Variants in ERI1 observed in about 807,000 individuals in gnomAD.
ERI1 encodes 3'-5' exoribonuclease 1.
In ERI1, 39 loss-of-function variants were observed where a neutral mutation model predicts 39.7. The ratio of observed to expected loss-of-function variants is 0.98; its 90% CI spans 0.76 to 1.28. The LOEUF (loss-of-function observed/expected upper bound fraction) is 1.28, where lower values mean the gene tolerates loss of function less well. ERI1 is among the 50% of genes most tolerant of loss of function. The pLI is 0.00. For synonymous variants in ERI1, 204 were observed against 149.6 expected, an observed-to-expected ratio of 1.36 and a Z score of -2.65; for missense variants, 581 against 416.9, an observed-to-expected ratio of 1.39 and a Z score of -3.43.
At position 9,018,413 on chromosome 8, in the gene ERI1, AT is replaced by A; in HGVS notation, c.692+10del. ...ACTCACTTTTAACAGATGGGTAAGT[AT>A]TTAGGAAGATTATTTTTTTATATCT... On this transcript the variant is annotated splice_region_variant and intron_variant, in intron 5 of 6. Transcript: ENST00000250263. The A allele has an allele frequency of 7.0e-7, 1 of 1,419,130 alleles. No homozygotes were observed. Among genetic ancestry groups the A allele is most frequent in the African/African-American group, 1.4e-5 (1 of 70,038 alleles). The allele number at this position is 1,419,130 out of a possible 1,614,324, so 87.9% of individuals were successfully genotyped here. A position where few individuals can be genotyped will look rare whatever the true frequency, so the allele number is the denominator to read the frequency against.
At chr8:9,052,684 C>A (rs1284144475) in intron 3 of ERI1, among the ~76,000 whole-genome samples, 2 of 152,182 alleles carry the variant, frequency 1.3e-5, no homozygotes, top group Non-Finnish European at 2.9e-5. Context: ...ACCCAGAAAA[C>A]ACATTTCAGA....
intron 3 of ERI1, among the ~76,000 whole-genome samples, chr8:9,090,457 C>T (rs1799669366): frequency 6.6e-6 from 1 of 152,090 alleles, no homozygotes; most frequent in South Asian, 2.1e-4. Flanking sequence ...CTTACTCTAG[C>T]TTATTGATTA....
chr8:9,024,710 C>G (rs533400800), intron 6 of ERI1, among the ~76,000 whole-genome samples: 3 of 152,196 alleles, frequency 2.0e-5, no homozygotes, highest in Non-Finnish European at 2.9e-5. Context: ...CAGGCATGAG[C>G]CACCAGGCCC....
chr8:9,043,771 T>C lies in ERI1; in HGVS notation n.299+23307T>C, dbSNP rs190251652. On this transcript the variant is annotated intron_variant and non_coding_transcript_variant, in intron 3 of 3. Coordinates refer to the ERI1 transcript ENST00000518663. ...TCTCACTATCTTGCTCAGGCAGAACTTGAACTCCTGTGCTCAAGCCATCCT... is the reference window on the plus strand; with the variant it reads ...TCTCACTATCTTGCTCAGGCAGAACCTGAACTCCTGTGCTCAAGCCATCCT... Among the ~76,000 whole-genome samples the C allele has an allele frequency of 2.3e-3, 351 of 152,350 alleles. 1 individual carries two copies. Among genetic ancestry groups the C allele is most frequent in the Non-Finnish European group, 4.3e-3 (293 of 68,032 alleles).
At chr8:9,062,020 G>T (rs1798715477) in intron 3 of ERI1, among the ~76,000 whole-genome samples, 1 of 152,130 alleles carries the variant, frequency 6.6e-6, no homozygotes, top group Non-Finnish European at 1.5e-5. Flanking sequence ...AAAACAATTT[G>T]GTTGATAAGG....
At chr8:9,066,385 A>G (rs376690470) in intron 3 of ERI1, among the ~76,000 whole-genome samples, 16 of 152,330 alleles carry the variant, frequency 1.1e-4, no homozygotes, top group African/African-American at 2.9e-4. Flanking sequence ...TGTGTTGGAT[A>G]AGAAGAAAGC....
chr8:9,097,538 G>A lies in ERI1; in HGVS notation n.300-18810G>A, dbSNP rs1324467208. Among the ~76,000 whole-genome samples, 16 of 152,168 alleles carry A rather than the reference G, an allele frequency of 1.1e-4. No individual in the cohort carries two copies. The South Asian group carries it at 2.1e-3, about 20-fold the overall frequency. ...ACAAAAATTAGCCAGACACGGTGGC[G>A]TGCGCCTGTAGTCCCAGCTACGCAG... On this transcript the variant is annotated intron_variant and non_coding_transcript_variant, in intron 3 of 3. Transcript: ENST00000518663.
At chr8:9,064,604 A>G (rs922338315) in intron 3 of ERI1, among the ~76,000 whole-genome samples, 2 of 152,178 alleles carry the variant, frequency 1.3e-5, no homozygotes, top group Non-Finnish European at 2.9e-5. Context: ...GTTGAGGGAT[A>G]GTGAGAGAGG....
intron 3 of ERI1, among the ~76,000 whole-genome samples, chr8:9,067,924 AC>A (rs1230455195): frequency 8.3e-4 from 53 of 63,654 alleles, no homozygotes; most frequent in African/African-American, 3.1e-3. Context: ...TGCTACAAAT[AC>A]ACACACACAC....
chr8:9,071,364 C>T (rs1351860192), intron 3 of ERI1, among the ~76,000 whole-genome samples: 1 of 152,092 alleles, frequency 6.6e-6, no homozygotes, highest in Non-Finnish European at 1.5e-5. Flanking sequence ...GAATGCACAC[C>T]CATCACAAAA....
At chr8:9,046,818 C>G (rs556158093) in intron 3 of ERI1, among the ~76,000 whole-genome samples, 15 of 152,324 alleles carry the variant, frequency 9.8e-5, no homozygotes, top group African/African-American at 3.4e-4. Flanking sequence ...CTCTCACAAG[C>G]AGGGCCCACA....
At chr8:9,028,446 G>A (rs1310327654) in intron 6 of ERI1, among the ~76,000 whole-genome samples, 1 of 152,090 alleles carries the variant, frequency 6.6e-6, no homozygotes, top group African/African-American at 2.4e-5. Flanking sequence ...AATTATAGGT[G>A]TTTTACATCA....
rs1009764661 is a variant in ERI1, at chr8:9,050,813, C to G, written n.299+30349C>G. Among the ~76,000 whole-genome samples, 4 of 152,206 alleles carry G rather than the reference C, an allele frequency of 2.6e-5. No homozygotes were observed. The East Asian group carries it at 7.7e-4, about 29-fold the overall frequency. Reference sequence around the variant, plus strand: ...ACTCCGGGCCTCTTCCTTCTTTATGCAATAAAAATAACAGCATCATTCCTA... The same window carrying G: ...ACTCCGGGCCTCTTCCTTCTTTATGGAATAAAAATAACAGCATCATTCCTA... On this transcript the variant is annotated intron_variant and non_coding_transcript_variant, in intron 3 of 3. Transcript: ENST00000518663.
At chr8:9,080,238 T>A (rs1167110763) in intron 3 of ERI1, among the ~76,000 whole-genome samples, 1 of 152,178 alleles carries the variant, frequency 6.6e-6, no homozygotes, top group Non-Finnish European at 1.5e-5. Context: ...CTGGGCCTGA[T>A]AATTTAAGAG....
chr8:9,047,151 A>C (rs978562666), intron 3 of ERI1, among the ~76,000 whole-genome samples: 1 of 152,188 alleles, frequency 6.6e-6, no homozygotes, highest in Non-Finnish European at 1.5e-5. Context: ...TGCACAGGGC[A>C]CTTAGATATT....
At chr8:9,068,936 C>T (rs1389855017) in intron 3 of ERI1, among the ~76,000 whole-genome samples, 1 of 152,022 alleles carries the variant, frequency 6.6e-6, no homozygotes, top group East Asian at 1.9e-4. Context: ...CTTGCCTCAG[C>T]CCTCCCTAGT....
At chr8:9,015,845 T>C (rs891122526) in intron 3 of ERI1, among the ~76,000 whole-genome samples, 3 of 152,108 alleles carry the variant, frequency 2.0e-5, no homozygotes, top group African/African-American at 7.2e-5. Flanking sequence ...ATTTTGACTA[T>C]TTAGAATTTA....
intron 3 of ERI1, among the ~76,000 whole-genome samples, chr8:9,015,722 CAAAAAAAAAA>C (rs758835506): frequency 5.3e-5 from 3 of 56,576 alleles, no homozygotes; most frequent in Admixed American, 2.3e-4. Context: ...ACTCTGTCTC[CAAAAAAAAAA>C]AAAAAAAAAG....
At chr8:9,065,310 GTGA>G (rs1001935515) in intron 3 of ERI1, among the ~76,000 whole-genome samples, 73 of 152,244 alleles carry the variant, frequency 4.8e-4, no homozygotes, top group African/African-American at 1.6e-3. Context: ...GTTCTTTGAG[GTGA>G]TGATGAACTT....
Sources: gnomAD v4.1 joint callset for allele counts (sites outside exome capture counted in the v4.1 genomes callset) on GRCh38, gnomAD v4.1.1 for gene constraint, MANE v1.5 for transcripts, NCBI Gene and HGNC (gene_info 2026-07-23, HGNC 2026-07-21) for gene names.